The following OSBPL9 variants were observed in gnomAD, a reference collection of about 807,000 sequenced individuals.
OSBPL9 encodes the protein oxysterol binding protein like 9.
In OSBPL9, 40 loss-of-function variants were observed where a neutral mutation model predicts 106.6. The observed-to-expected ratio is 0.38, with a 90% CI of 0.29 to 0.49. OSBPL9 has a LOEUF of 0.49. OSBPL9 is among the 20% of genes least tolerant of loss of function. OSBPL9 has a pLI of 0.97. For missense variants in OSBPL9, 609 were observed against 887.2 expected, an observed-to-expected ratio of 0.69 and a Z score of 3.98; for synonymous variants, 269 against 295.4, an observed-to-expected ratio of 0.91 and a Z score of 0.92.
chr1:51,687,300 A>G (rs1308827444), intron 3 of OSBPL9, among the ~76,000 whole-genome samples: 1 of 152,238 alleles, frequency 6.6e-6, no homozygotes, highest in South Asian at 2.1e-4. Context: ...CAGGAACTGT[A>G]CCAAAGGCTT....
At chr1:51,543,735 G>T in the OSBPL9 span, among the ~76,000 whole-genome samples, 3 of 152,224 alleles carry the variant, frequency 2.0e-5, no homozygotes, top group African/African-American at 7.2e-5. Context: ...CCTGGCAAAA[G>T]TCACACATCT....
At chr1:51,649,561 T>A (rs1253723062) in intron 1 of OSBPL9, among the ~76,000 whole-genome samples, 1 of 152,126 alleles carries the variant, frequency 6.6e-6, no homozygotes, top group Non-Finnish European at 1.5e-5. Context: ...CTACCTTCCC[T>A]TTCTTTTTAT....
chr1:51,767,114 C>G, intron 12 of OSBPL9, among the ~76,000 whole-genome samples: 1 of 151,792 alleles, frequency 6.6e-6, no homozygotes, highest in South Asian at 2.1e-4. Flanking sequence ...GTTTAGGGAG[C>G]CAGGTGTGGT....
intron 2 of OSBPL9, among the ~76,000 whole-genome samples, chr1:51,658,761 A>G (rs555652588): frequency 1.3e-4 from 20 of 152,088 alleles, no homozygotes; most frequent in Admixed American, 1.1e-3. Context: ...TTTTTTCACA[A>G]TGCAATAAGG....
the OSBPL9 span, among the ~76,000 whole-genome samples, chr1:51,547,675 C>T: frequency 2.8e-4 from 43 of 152,020 alleles, no homozygotes; most frequent in African/African-American, 1.0e-3. Flanking sequence ...GAAACCCCAT[C>T]TCTACTAAAA....
intron 17 of OSBPL9, among the ~76,000 whole-genome samples, chr1:51,783,340 A>G (rs952612758): frequency 1.3e-5 from 2 of 148,394 alleles, no homozygotes; most frequent in African/African-American, 5.0e-5. Context: ...ACACCCAACT[A>G]ATTTTCTTAT....
At chr1:51,767,753 A>G (rs1344371228) in intron 12 of OSBPL9, among the ~76,000 whole-genome samples, 2 of 152,166 alleles carry the variant, frequency 1.3e-5, no homozygotes, top group African/African-American at 2.4e-5. Flanking sequence ...ATGTTAAAAC[A>G]TAAACTATTG....
intron 1 of OSBPL9, among the ~76,000 whole-genome samples, chr1:51,581,925 A>G (rs1399319638): frequency 2.6e-5 from 4 of 152,008 alleles, no homozygotes; most frequent in Non-Finnish European, 5.9e-5. Context: ...TTCTAGAACT[A>G]TACGACGCTC....
At chr1:51,681,297 A>G (rs1652506853) in intron 3 of OSBPL9, among the ~76,000 whole-genome samples, 1 of 152,172 alleles carries the variant, frequency 6.6e-6, no homozygotes, top group Admixed American at 6.5e-5. Context: ...ATAGGAGGGT[A>G]TATTCTTACC....
Position 51,669,462 on chromosome 1 carries a change from A to G in OSBPL9, c.191A>G (p.Asp64Gly). The G allele has an allele frequency of 2.5e-6, 4 of 1,614,066 alleles. No homozygotes were observed. The highest frequency in any genetic ancestry group is 3.4e-6 in the Non-Finnish European group (4 of 1,179,974). Reference protein sequence around the residue: ...RGAVIGIDDEDDSTFTITVDQ... With the variant: ...RGAVIGIDDEGDSTFTITVDQ... ...GCTGTGATTGGTATAGACGATGAGGACGACAGCACCTTCACAATAACTGTT... is the reference window on the plus strand; with the variant it reads ...GCTGTGATTGGTATAGACGATGAGGGCGACAGCACCTTCACAATAACTGTT... The change falls in exon 3 of 24, where the codon GAC becomes GGC. Residue 64 changes from aspartate to glycine, a missense_variant. Asp to Gly is a moderately conservative substitution (Grantham distance 94, BLOSUM62 -1). This residue lies in a region of OSBPL9 where 72 missense variants were observed against 140.5 expected (regional missense o/e 0.51). Coordinates refer to ENST00000428468, the MANE Select transcript of OSBPL9 (RefSeq NM_024586.6).
intron 2 of OSBPL9, among the ~76,000 whole-genome samples, chr1:51,602,398 T>C (rs1645328765): frequency 6.6e-6 from 1 of 151,328 alleles, no homozygotes; most frequent in South Asian, 2.1e-4. Context: ...ATCCGTCTCG[T>C]TCATGAAACA....
At chr1:51,570,889 T>C in the OSBPL9 span, among the ~76,000 whole-genome samples, 8 of 152,062 alleles carry the variant, frequency 5.3e-5, no homozygotes, top group African/African-American at 1.9e-4. Context: ...TGGCATAATC[T>C]CGGCTCACTG....
chr1:51,760,463 T>A (rs1189662808), intron 9 of OSBPL9: 5 of 505,868 alleles, frequency 9.9e-6, no homozygotes, highest in Non-Finnish European at 1.3e-5. Flanking sequence ...TCCATTTAGC[T>A]TTACCTTCTT....
chr1:51,752,443 A>G, intron 8 of OSBPL9: 1 of 441,376 alleles, frequency 2.3e-6, no homozygotes, highest in Non-Finnish European at 4.6e-6. Flanking sequence ...GCCTCGTATC[A>G]CTAGTCAAGT....
chr1:51,594,090 A>G (rs1244619602), intron 1 of OSBPL9, among the ~76,000 whole-genome samples: 1 of 152,112 alleles, frequency 6.6e-6, no homozygotes, highest in East Asian at 1.9e-4. Context: ...CTGAACTCTG[A>G]TATTTTATGA....
intron 4 of OSBPL9, among the ~76,000 whole-genome samples, chr1:51,728,094 C>T (rs923291994): frequency 6.6e-6 from 1 of 152,094 alleles, no homozygotes; most frequent in Non-Finnish European, 1.5e-5. Context: ...TGAAAAAGGC[C>T]ATTGTGTGCA....
At chr1:51,632,448 A>C (rs910489816) in intron 1 of OSBPL9, among the ~76,000 whole-genome samples, 16 of 149,842 alleles carry the variant, frequency 1.1e-4, no homozygotes, top group African/African-American at 4.0e-4. Flanking sequence ...TCTAACTTCA[A>C]ATAGAATGTT....
intron 1 of OSBPL9, among the ~76,000 whole-genome samples, chr1:51,595,995 G>A (rs940271856): frequency 1.3e-5 from 2 of 152,050 alleles, no homozygotes; most frequent in African/African-American, 2.4e-5. Flanking sequence ...GGTGCCTCAC[G>A]CCTGTAACTC....
Position 51,787,824 on chromosome 1 carries a change from G to T in OSBPL9, c.*35G>T. The T allele has an allele frequency of 6.5e-7, 1 of 1,535,856 alleles. No homozygotes were observed. Among genetic ancestry groups the T allele is most frequent in the South Asian group, 1.1e-5 (1 of 89,288 alleles). On this transcript the variant is annotated 3_prime_UTR_variant, in exon 24 of 24. Transcript: ENST00000428468. ...TGCAAAGTTTATACCTGATGATCAG[G>T]GCAGTAGGCATAATTCAGCAACAAA...
Sources: allele counts gnomAD v4.1 joint callset (sites outside exome capture counted in the v4.1 genomes callset), GRCh38; gene constraint gnomAD v4.1.1; regional missense constraint gnomAD v4.1.1; transcripts MANE v1.5; gene names NCBI Gene and HGNC (gene_info 2026-07-23, HGNC 2026-07-21).